TENM2: variants seen among roughly 807,000 people sequenced by gnomAD.
TENM2 encodes the protein teneurin-2.
Under a neutral mutation model 245.2 loss-of-function variants are expected in TENM2, and 52 were observed. The observed-to-expected ratio is 0.21, with a 90% confidence interval of 0.17 to 0.27. The LOEUF (loss-of-function observed/expected upper bound fraction) is 0.27, where lower values mean the gene tolerates loss of function less well. Ranked by LOEUF, TENM2 falls within the 10% of genes least tolerant of loss-of-function variation. The probability of loss-of-function intolerance (pLI) is 1.00; values close to 1 mark genes in which losing one functional copy is unlikely to be tolerated. For missense variants in TENM2, 3,046 were observed against 3,666.8 expected (o/e 0.83, Z 4.37); for synonymous variants, 1,363 against 1,438.9 (o/e 0.95, Z 1.19).
At chr5:168,131,170 A>T (rs140371342) in intron 12 of TENM2, among the ~76,000 whole-genome samples, 1 of 152,174 alleles carries the variant, frequency 6.6e-6, no homozygotes, top group Non-Finnish European at 1.5e-5. Context: ...TCTCCTGAAC[A>T]TGGGCTACCC....
chr5:168,029,908 TG>T (rs1786961773), intron 5 of TENM2, among the ~76,000 whole-genome samples: 1 of 152,204 alleles, frequency 6.6e-6, no homozygotes. Flanking sequence ...GTTCCATTGA[TG>T]TGGCTGATAG....
At chr5:167,668,222 A>G (rs1755698964) in intron 2 of TENM2, among the ~76,000 whole-genome samples, 2 of 152,146 alleles carry the variant, frequency 1.3e-5, no homozygotes, top group South Asian at 4.1e-4. Flanking sequence ...GTCACTGAAG[A>G]AAATCTTTCT....
intron 2 of TENM2, among the ~76,000 whole-genome samples, chr5:167,490,318 G>C (rs1768347637): frequency 6.6e-6 from 1 of 152,048 alleles, no homozygotes; most frequent in East Asian, 1.9e-4. Context: ...AAAGACAGAA[G>C]AGTCTTCCTT....
At chr5:168,158,850 T>TATACACACAC (rs1339051385) in intron 12 of TENM2, among the ~76,000 whole-genome samples, 3 of 62,326 alleles carry the variant, frequency 4.8e-5, no homozygotes, top group East Asian at 4.2e-4. Context: ...TATATATATA[T>TATACACACAC]ACACACACAC....
chr5:167,311,011 A>G (rs540124494), intron 1 of TENM2, among the ~76,000 whole-genome samples: 158 of 152,308 alleles, frequency 1.0e-3, no homozygotes, highest in African/African-American at 3.6e-3. Flanking sequence ...TATCTAGCAT[A>G]CAGTGCTCAG....
chr5:168,129,042 C>A (rs1333140536), intron 12 of TENM2: 3 of 151,848 alleles, frequency 2.0e-5, no homozygotes, highest in South Asian at 4.2e-4. Context: ...CAGGTCCACA[C>A]CCCCATTAAG....
At chr5:167,528,333 C>T (rs1771259261) in intron 2 of TENM2, among the ~76,000 whole-genome samples, 1 of 152,102 alleles carries the variant, frequency 6.6e-6, no homozygotes, top group Non-Finnish European at 1.5e-5. Context: ...TATTCTACCT[C>T]TTGCTGCCAG....
intron 2 of TENM2, among the ~76,000 whole-genome samples, chr5:167,580,574 T>C (rs1440030703): frequency 1.3e-5 from 2 of 152,194 alleles, no homozygotes; most frequent in African/African-American, 4.8e-5. Flanking sequence ...GGTGAAAGAA[T>C]AGGAAGTGGA....
chr5:167,528,498 C>T (rs1054675476), intron 2 of TENM2, among the ~76,000 whole-genome samples: 2 of 152,042 alleles, frequency 1.3e-5, no homozygotes, highest in Admixed American at 6.6e-5. Flanking sequence ...ATAATAGCAC[C>T]TACTTTAGAA....
At chr5:167,759,491 C>G (rs1345374584) in intron 2 of TENM2, among the ~76,000 whole-genome samples, 2 of 152,084 alleles carry the variant, frequency 1.3e-5, no homozygotes, top group Non-Finnish European at 2.9e-5. Flanking sequence ...CATAAAATTT[C>G]ATGAGGATAA....
chr5:168,193,721 G>A (rs535162594), intron 14 of TENM2, among the ~76,000 whole-genome samples: 33 of 152,354 alleles, frequency 2.2e-4, no homozygotes, highest in Non-Finnish European at 2.2e-4. Flanking sequence ...CACGAGCACT[G>A]TGTACCTTGT....
At chr5:167,943,153 G>C (rs1779323891) in intron 3 of TENM2, among the ~76,000 whole-genome samples, 1 of 152,112 alleles carries the variant, frequency 6.6e-6, no homozygotes, top group South Asian at 2.1e-4. Flanking sequence ...AGAGATTTTG[G>C]GAAAAGTTCA....
chr5:167,522,153 T>C (rs1770795828), intron 2 of TENM2, among the ~76,000 whole-genome samples: 1 of 152,168 alleles, frequency 6.6e-6, no homozygotes, highest in Non-Finnish European at 1.5e-5. Flanking sequence ...ACACTACTTA[T>C]ATCATGACAA....
Position 168,007,698 on chromosome 5 carries a change from A to G in TENM2, c.1186+14516A>G, listed in dbSNP as rs77082178. Among the ~76,000 whole-genome samples, 357 of 152,290 alleles carry G rather than the reference A, an allele frequency of 2.3e-3. 1 individual carries two copies. The highest frequency in any genetic ancestry group is 7.8e-3 in the African/African-American group (322 of 41,546). On this transcript the variant is annotated intron_variant, in intron 5 of 28. Coordinates refer to ENST00000518659, the Ensembl canonical transcript of TENM2. Reference sequence around the variant, plus strand: ...AACGAACGACTCACTGAAAATATCTACTTCAAGGATGGTTGTTTACTTGGC... The same window carrying G: ...AACGAACGACTCACTGAAAATATCTGCTTCAAGGATGGTTGTTTACTTGGC...
At chr5:168,145,771 A>G (rs1339557695) in intron 12 of TENM2, among the ~76,000 whole-genome samples, 4 of 150,064 alleles carry the variant, frequency 2.7e-5, no homozygotes, top group African/African-American at 4.9e-5. Flanking sequence ...TACCTTGGGC[A>G]GTATGGCCAT....
chr5:168,175,448 G>C (rs991932420), intron 13 of TENM2, among the ~76,000 whole-genome samples: 1 of 152,090 alleles, frequency 6.6e-6, no homozygotes, highest in Non-Finnish European at 1.5e-5. Flanking sequence ...GTCATGAACC[G>C]GTGACCCCCA....
At chr5:167,196,454 G>GTA in the TENM2 span, among the ~76,000 whole-genome samples, 13 of 148,392 alleles carry the variant, frequency 8.8e-5, no homozygotes, top group East Asian at 4.0e-4. Flanking sequence ...ATATATGTGT[G>GTA]TATATATATA....
At chr5:167,190,271 G>A in the TENM2 span, among the ~76,000 whole-genome samples, 1 of 152,108 alleles carries the variant, frequency 6.6e-6, no homozygotes, top group African/African-American at 2.4e-5. Context: ...GGCAGGGGAT[G>A]AGATATCAAG....
intron 5 of TENM2, among the ~76,000 whole-genome samples, chr5:168,013,187 TG>T (rs1785383788): frequency 6.6e-6 from 1 of 152,194 alleles, no homozygotes; most frequent in Non-Finnish European, 1.5e-5. Context: ...GTCTATCCCT[TG>T]TTTCAAAAGA....
Sources: gnomAD v4.1 joint callset for allele counts (sites outside exome capture counted in the v4.1 genomes callset) on GRCh38, gnomAD v4.1.1 for gene constraint, MANE v1.5 for transcripts, NCBI Gene and HGNC (gene_info 2026-07-23, HGNC 2026-07-21) for gene names.